The following EYA2 variants were observed in gnomAD, a reference collection of about 807,000 sequenced individuals.
EYA2 encodes the protein protein phosphatase EYA2.
Under a neutral mutation model 69.2 loss-of-function variants are expected in EYA2, and 31 were observed. The ratio of observed to expected loss-of-function variants is 0.45; its 90% CI spans 0.34 to 0.60. The LOEUF (loss-of-function observed/expected upper bound fraction) is 0.60. Among genes scored for constraint, EYA2 ranks in the 20% least tolerant of loss-of-function variants. EYA2 has a pLI of 0.02. For missense variants in EYA2, 622 were observed against 701.2 expected, an observed-to-expected ratio of 0.89 and a Z score of 1.28; for synonymous variants, 257 against 279.4, an observed-to-expected ratio of 0.92 and a Z score of 0.80.
At chr20:46,938,412 T>G (rs1986013516) in intron 1 of EYA2, among the ~76,000 whole-genome samples, 1 of 152,208 alleles carries the variant, frequency 6.6e-6, no homozygotes, top group African/African-American at 2.4e-5. Context: ...AACAAGTATT[T>G]ATTATATCAT....
At chr20:47,054,472 T>C (rs1323045250) in intron 5 of EYA2, among the ~76,000 whole-genome samples, 1 of 152,212 alleles carries the variant, frequency 6.6e-6, no homozygotes, top group Admixed American at 6.5e-5. Context: ...GCACTGAATG[T>C]CTACCCTGCA....
chr20:46,906,740 G>A (rs1256409228), intron 1 of EYA2, among the ~76,000 whole-genome samples: 1 of 152,144 alleles, frequency 6.6e-6, no homozygotes. Flanking sequence ...CAGGGGTAGA[G>A]CCAGGCTTTG....
At chr20:47,060,404 G>GC (rs2030824902) in intron 5 of EYA2, among the ~76,000 whole-genome samples, 1 of 152,224 alleles carries the variant, frequency 6.6e-6, no homozygotes, top group Non-Finnish European at 1.5e-5. Flanking sequence ...CATGACTCGG[G>GC]AGGAGGTGTG....
At chr20:47,080,127 G>T (rs1020784545) in intron 7 of EYA2, among the ~76,000 whole-genome samples, 1 of 152,014 alleles carries the variant, frequency 6.6e-6, no homozygotes, top group Non-Finnish European at 1.5e-5. Context: ...AAGAATCAAG[G>T]CATACAAAGC....
At chr20:46,909,110 G>A (rs912229367) in intron 1 of EYA2, among the ~76,000 whole-genome samples, 2 of 151,828 alleles carry the variant, frequency 1.3e-5, no homozygotes, top group Non-Finnish European at 2.9e-5. Context: ...ATCCTCCTTC[G>A]GGTTTTCATT....
At chr20:47,087,039 G>A (rs2031916680) in intron 7 of EYA2, among the ~76,000 whole-genome samples, 1 of 152,122 alleles carries the variant, frequency 6.6e-6, no homozygotes, top group Non-Finnish European at 1.5e-5. Context: ...TTTTTCCAGA[G>A]GAAAGTCTTT....
intron 9 of EYA2, among the ~76,000 whole-genome samples, chr20:47,128,889 G>A (rs933769504): frequency 6.6e-6 from 1 of 152,208 alleles, no homozygotes; most frequent in African/African-American, 2.4e-5. Flanking sequence ...TTGGGAGGCC[G>A]AGGTGGGTGG....
chr20:47,176,073 A>ATTC (rs1343644535), intron 12 of EYA2, among the ~76,000 whole-genome samples: 1 of 137,240 alleles, frequency 7.3e-6, no homozygotes, highest in African/African-American at 3.1e-5. Context: ...AATCACTTAA[A>ATTC]TTCTTTTTTT....
chr20:47,127,716 G>A (rs180889765), intron 9 of EYA2, among the ~76,000 whole-genome samples: 78 of 152,348 alleles, frequency 5.1e-4, no homozygotes, highest in Admixed American at 1.0e-3. Flanking sequence ...TGTGTCTGAA[G>A]CTGGAAAGAT....
At chr20:46,920,094 T>C (rs548840066) in intron 1 of EYA2, among the ~76,000 whole-genome samples, 5 of 152,276 alleles carry the variant, frequency 3.3e-5, no homozygotes, top group Admixed American at 3.3e-4. Flanking sequence ...AGATCACTGA[T>C]CACAGATCTC....
At chr20:47,110,247 T>C (rs1219817494) in intron 9 of EYA2, among the ~76,000 whole-genome samples, 3 of 152,170 alleles carry the variant, frequency 2.0e-5, no homozygotes, top group African/African-American at 7.2e-5. Context: ...AATTTATTTT[T>C]TATTTTATTT....
chr20:46,934,359 T>TCG (rs199604772), intron 1 of EYA2, among the ~76,000 whole-genome samples: 53,439 of 151,746 alleles, frequency 0.35, 10,112 homozygotes, highest in Non-Finnish European at 0.43. Context: ...GCCAGCTTCC[T>TCG]TGTCGTGGTG....
intron 1 of EYA2, chr20:46,978,509 C>T (rs183536344): frequency 2.1e-4 from 108 of 521,908 alleles, no homozygotes; most frequent in Admixed American, 1.8e-3. Flanking sequence ...GAGTGTGGAG[C>T]GAGAGAAAGG....
chr20:47,161,115 T>C (rs3091926), intron 10 of EYA2: 191,252 of 315,692 alleles, frequency 0.61, 59,277 homozygotes, highest in African/African-American at 0.78. Flanking sequence ...GGGACCGAGA[T>C]GATGCCAGTG....
intron 12 of EYA2, among the ~76,000 whole-genome samples, chr20:47,177,652 G>A (rs1373926245): frequency 6.6e-6 from 1 of 152,236 alleles, no homozygotes; most frequent in Non-Finnish European, 1.5e-5. Flanking sequence ...GCGGTGTCCA[G>A]ATGACATAAG....
intron 1 of EYA2, among the ~76,000 whole-genome samples, chr20:46,957,926 TTCCCTGCTC>T (rs1238529433): frequency 1.3e-5 from 2 of 152,176 alleles, no homozygotes; most frequent in Non-Finnish European, 2.9e-5. Context: ...CCAAACTACA[TTCCCTGCTC>T]TCCCTACCAA....
chr20:47,001,787 C>CTTTTTTTTTTTTTTTTTTTTTTTTTTT (rs61340904), intron 3 of EYA2, among the ~76,000 whole-genome samples: 1 of 147,446 alleles, frequency 6.8e-6, no homozygotes, highest in African/African-American at 2.5e-5. Context: ...TCTCTTCATT[C>CTTTTTTTTTTTTTTTTTTTTTTTTTTT]TTTTTTTTTT....
chr20:47,158,361 C>CA (rs1207583064), intron 10 of EYA2, among the ~76,000 whole-genome samples: 65 of 151,822 alleles, frequency 4.3e-4, no homozygotes, highest in African/African-American at 1.4e-3. Context: ...ACTAAAAATA[C>CA]AAAAAATTAG....
At chr20:47,132,324 T>G (rs2033362222) in intron 9 of EYA2, among the ~76,000 whole-genome samples, 2 of 152,194 alleles carry the variant, frequency 1.3e-5, no homozygotes, top group Non-Finnish European at 2.9e-5. Context: ...ACTCTGTAGC[T>G]TGGCAGAACT....
Sources: gnomAD v4.1 joint callset for allele counts (sites outside exome capture counted in the v4.1 genomes callset) on GRCh38, gnomAD v4.1.1 for gene constraint, MANE v1.5 for transcripts, NCBI Gene and HGNC (gene_info 2026-07-23, HGNC 2026-07-21) for gene names.